The following LMO7 variants were observed in gnomAD, a reference collection of about 807,000 sequenced individuals.
LMO7 encodes the protein LIM domain 7, also known as LIM domain only protein 7.
A neutral mutation model predicts 206.5 loss-of-function variants in LMO7; 120 were observed. The ratio of observed to expected loss-of-function variants is 0.58; its 90% CI spans 0.50 to 0.68. The LOEUF is 0.68. LMO7 is among the 30% of genes least tolerant of loss of function. The probability of loss-of-function intolerance (pLI) is 0.00; values close to 1 mark genes in which losing one functional copy is unlikely to be tolerated. For missense variants in LMO7, 1,959 were observed against 1,957.9 expected (o/e 1.00, Z -0.01); for synonymous variants, 706 against 681.5 (o/e 1.04, Z -0.56).
chr13:75,748,311 G>C (rs774184153), intron 3 of LMO7, among the ~76,000 whole-genome samples: 23 of 152,160 alleles, frequency 1.5e-4, no homozygotes, highest in Non-Finnish European at 2.5e-4. Context: ...TAATACAGAG[G>C]TTAAGAGCAC....
chr13:75,674,936 G>A (rs2039882231), intron 1 of LMO7, among the ~76,000 whole-genome samples: 3 of 152,118 alleles, frequency 2.0e-5, no homozygotes, highest in Non-Finnish European at 4.4e-5. Flanking sequence ...TGAAATTACT[G>A]GATTAAATCT....
intron 14 of LMO7, among the ~76,000 whole-genome samples, chr13:75,822,886 A>G (rs954237769): frequency 2.7e-5 from 4 of 149,952 alleles, no homozygotes; most frequent in African/African-American, 9.8e-5. Context: ...AATCTGTGCT[A>G]TAAAAATAAA....
chr13:75,840,291 CTG>C, intron 21 of LMO7, 98 bp from the exon 22 acceptor site: 1 of 1,446,294 alleles, frequency 6.9e-7, no homozygotes, highest in Non-Finnish European at 9.6e-7. Flanking sequence ...TTTAAGCAAA[CTG>C]TGATATGAAT....
At chr13:75,749,772 ACG>A (rs894188143) in intron 3 of LMO7, among the ~76,000 whole-genome samples, 9 of 151,122 alleles carry the variant, frequency 6.0e-5, no homozygotes, top group Non-Finnish European at 2.9e-5. Flanking sequence ...ATGAAACTTT[ACG>A]GCTTTCCTTG....
chr13:75,796,611 G>C, intron 5 of LMO7, 25 bp from the exon 6 acceptor site: 2 of 1,406,968 alleles, frequency 1.4e-6, no homozygotes, highest in Non-Finnish European at 2.0e-6. Context: ...TGATCTTGTT[G>C]TTCATGGATT....
At chr13:75,842,035 C>G in intron 24 of LMO7, 52 bp downstream of exon 24, 2 of 1,356,238 alleles carry the variant, frequency 1.5e-6, no homozygotes, top group East Asian at 2.3e-5. Context: ...CCATTCCCCA[C>G]TTCAAAGGCA....
In LMO7 at chr13:75,735,384, A is replaced by G. The variant is rs763743613; in HGVS notation, c.210+8286A>G. 3.3e-5 allele frequency among the ~76,000 whole-genome samples: 5 copies of G among 151,908 alleles called. No individual in the cohort carries two copies. The South Asian group carries it at 1.0e-3, about 32-fold the overall frequency. On this transcript the variant is annotated intron_variant, in intron 3 of 30. Transcript: ENST00000377534. ...TTGTATACACACACACACACACACA[A>G]CTTTCTACTAGTAATACAGTGAGTC...
chr13:75,829,145 T>A (rs2058411614), intron 15 of LMO7, among the ~76,000 whole-genome samples: 1 of 151,840 alleles, frequency 6.6e-6, no homozygotes, highest in Non-Finnish European at 1.5e-5. Flanking sequence ...TCAGAGAGGC[T>A]GGAGACTAAG....
intron 3 of LMO7, among the ~76,000 whole-genome samples, chr13:75,751,865 T>C (rs1188350160): frequency 1.3e-5 from 2 of 152,222 alleles, no homozygotes; most frequent in Non-Finnish European, 2.9e-5. Context: ...TAAGGTTCCC[T>C]GATGCAGAGT....
intron 1 of LMO7, among the ~76,000 whole-genome samples, chr13:75,650,111 C>A (rs1414874662): frequency 6.6e-6 from 1 of 151,182 alleles, no homozygotes; most frequent in African/African-American, 2.4e-5. Context: ...GCATGAACTA[C>A]TGTGCCTGGC....
chr13:75,709,774 T>C (rs1274421641), intron 1 of LMO7, among the ~76,000 whole-genome samples: 2 of 152,206 alleles, frequency 1.3e-5, no homozygotes, highest in Non-Finnish European at 2.9e-5. Flanking sequence ...TGGTAGTTTC[T>C]TTTGCTGTGC....
intron 3 of LMO7, among the ~76,000 whole-genome samples, chr13:75,737,858 A>AAC (rs2046065167): frequency 7.0e-6 from 1 of 142,130 alleles, no homozygotes; most frequent in Admixed American, 6.9e-5. Context: ...AAAAAAAAAA[A>AAC]AAAAAACACA....
intron 11 of LMO7, among the ~76,000 whole-genome samples, chr13:75,813,897 A>C (rs1389528209): frequency 6.6e-6 from 1 of 152,190 alleles, no homozygotes; most frequent in Non-Finnish European, 1.5e-5. Context: ...ATGTAATCTC[A>C]TGTGTTGAGT....
chr13:75,757,888 G>C (rs2047817822), intron 3 of LMO7, among the ~76,000 whole-genome samples: 1 of 151,442 alleles, frequency 6.6e-6, no homozygotes, highest in Non-Finnish European at 1.5e-5. Context: ...GAAAGTACAG[G>C]GTTTACAGAT....
At chr13:75,641,286 C>T (rs2036506799) in intron 1 of LMO7, among the ~76,000 whole-genome samples, 1 of 152,198 alleles carries the variant, frequency 6.6e-6, no homozygotes, top group Non-Finnish European at 1.5e-5. Flanking sequence ...ACATTTTGGC[C>T]TTTTTTAACT....
At chr13:75,803,617 G>C (rs758659019) in intron 7 of LMO7, among the ~76,000 whole-genome samples, 1 of 152,192 alleles carries the variant, frequency 6.6e-6, no homozygotes, top group Non-Finnish European at 1.5e-5. Flanking sequence ...TTTTGAATTT[G>C]TGTTTAAATG....
At chr13:75,781,792 G>A (rs1020138003) in intron 4 of LMO7, among the ~76,000 whole-genome samples, 1 of 152,008 alleles carries the variant, frequency 6.6e-6, no homozygotes, top group Non-Finnish European at 1.5e-5. Context: ...AGCACCTGTA[G>A]TTTCCTGACT....
chr13:75,806,311 C>A, intron 9 of LMO7: 2 of 911,992 alleles, frequency 2.2e-6, no homozygotes, highest in Non-Finnish European at 2.6e-6. Context: ...CCTCAGACAA[C>A]CCTCTGCCTG....
At chr13:75,713,392 A>G (rs889398705) in intron 2 of LMO7, 140 bp downstream of exon 2, 1 of 527,670 alleles carries the variant, frequency 1.9e-6, no homozygotes, top group African/African-American at 1.9e-5. Context: ...GATCCCTGCA[A>G]ATTGATACCT....
Sources: gnomAD v4.1 joint callset for allele counts (sites outside exome capture counted in the v4.1 genomes callset) on GRCh38, gnomAD v4.1.1 for gene constraint, MANE v1.5 for transcripts, NCBI Gene and HGNC (gene_info 2026-07-23, HGNC 2026-07-21) for gene names.